DENND1A: variants seen among roughly 807,000 people sequenced by gnomAD.
The protein encoded by DENND1A is DENN domain-containing protein 1A.
In DENND1A, 51 loss-of-function variants were observed where a neutral mutation model predicts 113.7. That is an observed-to-expected ratio of 0.45 (90% CI 0.36 to 0.57). DENND1A has a LOEUF of 0.57. DENND1A is among the 20% of genes least tolerant of loss of function. The probability of loss-of-function intolerance (pLI) is 0.00; values close to 1 mark genes in which losing one functional copy is unlikely to be tolerated. For missense variants in DENND1A, 1,258 were observed against 1,395.9 expected (o/e 0.90, Z 1.57); for synonymous variants, 565 against 570.8 (o/e 0.99, Z 0.14).
At chr9:123,539,464 AT>A (rs57280463) in intron 13 of DENND1A, among the ~76,000 whole-genome samples, 25,602 of 150,920 alleles carry the variant, frequency 0.17, 2,269 homozygotes, top group Admixed American at 0.2. Context: ...TAATAAAACT[AT>A]TTTTTTTTAA....
intron 10 of DENND1A, among the ~76,000 whole-genome samples, chr9:123,627,644 G>A (rs1431789083): frequency 2.0e-5 from 3 of 151,688 alleles, no homozygotes; most frequent in Non-Finnish European, 4.4e-5. Context: ...GGAGGCTGAG[G>A]CAGGAGAATC....
chr9:123,788,861 C>G (rs2131986951), intron 3 of DENND1A, among the ~76,000 whole-genome samples: 1 of 152,014 alleles, frequency 6.6e-6, no homozygotes, highest in East Asian at 1.9e-4. Flanking sequence ...ACATTTTAGA[C>G]TACGTCATAT....
chr9:123,888,342 C>T (rs752437919), intron 1 of DENND1A, among the ~76,000 whole-genome samples: 1 of 152,130 alleles, frequency 6.6e-6, no homozygotes, highest in Non-Finnish European at 1.5e-5. Context: ...AAACAAGAAG[C>T]CATGAGTTCA....
chr9:123,391,274 G>T (rs1289704306), intron 21 of DENND1A, among the ~76,000 whole-genome samples: 1 of 152,256 alleles, frequency 6.6e-6, no homozygotes, highest in African/African-American at 2.4e-5. Context: ...TCTCTTGAAA[G>T]TGGCAGGGTA....
chr9:123,496,465 A>C (rs775504038), intron 13 of DENND1A, among the ~76,000 whole-genome samples: 5 of 152,208 alleles, frequency 3.3e-5, no homozygotes, highest in African/African-American at 1.2e-4. Context: ...ACAGGTCTTC[A>C]TTTCAAAGAT....
chr9:123,697,133 T>A lies in DENND1A; in HGVS notation c.303-20344A>T, dbSNP rs537807190. Among the ~76,000 whole-genome samples, 28 of 152,316 alleles carry A rather than the reference T, an allele frequency of 1.8e-4. No individual in the cohort carries two copies. The South Asian group carries it at 5.4e-3, about 29-fold the overall frequency. ...AGAATATATCTGTTCCCCAGATATT[T>A]TGCTTGCCATTTTAACAGGAGAAAA... On this transcript the variant is annotated intron_variant, in intron 5 of 23. Transcript: ENST00000394215.
chr9:123,910,864 A>T (rs1465441570), intron 1 of DENND1A, among the ~76,000 whole-genome samples: 1 of 152,172 alleles, frequency 6.6e-6, no homozygotes, highest in Non-Finnish European at 1.5e-5. Context: ...AATCACTTGA[A>T]CCTGGGAGGC....
chr9:123,642,725 T>C (rs1352075425), intron 9 of DENND1A, among the ~76,000 whole-genome samples: 1 of 152,202 alleles, frequency 6.6e-6, no homozygotes, highest in Non-Finnish European at 1.5e-5. Context: ...GAGTGGAGTG[T>C]GCAGGCAAAG....
At chr9:123,502,631 T>C (rs1564612291) in intron 13 of DENND1A, among the ~76,000 whole-genome samples, 1 of 152,238 alleles carries the variant, frequency 6.6e-6, no homozygotes, top group Non-Finnish European at 1.5e-5. Context: ...ATTCTGTGGG[T>C]TACCTTTTTA....
intron 8 of DENND1A, among the ~76,000 whole-genome samples, chr9:123,657,687 T>C (rs1462092374): frequency 6.6e-6 from 1 of 152,146 alleles, no homozygotes; most frequent in East Asian, 1.9e-4. Flanking sequence ...GTTTTGTCAG[T>C]GGGTCTTGTT....
intron 13 of DENND1A, among the ~76,000 whole-genome samples, chr9:123,536,636 C>T (rs551812397): frequency 2.0e-5 from 3 of 152,188 alleles, no homozygotes; most frequent in Admixed American, 6.5e-5. Context: ...GTCCAGCCTC[C>T]GCAAATGCTA....
intron 13 of DENND1A, among the ~76,000 whole-genome samples, chr9:123,507,263 T>A (rs1369390089): frequency 6.6e-6 from 1 of 152,214 alleles, no homozygotes; most frequent in Non-Finnish European, 1.5e-5. Context: ...AGGAACAAGG[T>A]TGTTGTAACC....
intron 19 of DENND1A, among the ~76,000 whole-genome samples, chr9:123,431,658 T>A (rs904097130): frequency 6.6e-6 from 1 of 152,204 alleles, no homozygotes; most frequent in African/African-American, 2.4e-5. Context: ...CCTGAGCCCC[T>A]TACAGGTTGG....
chr9:123,837,471 T>C (rs926935506), intron 2 of DENND1A, among the ~76,000 whole-genome samples: 5 of 152,208 alleles, frequency 3.3e-5, no homozygotes, highest in Non-Finnish European at 7.3e-5. Context: ...ATTATATATA[T>C]GTAGTTTTTC....
chr9:123,575,228 T>A (rs868118297), intron 12 of DENND1A, among the ~76,000 whole-genome samples: 1 of 152,166 alleles, frequency 6.6e-6, no homozygotes, highest in Admixed American at 6.5e-5. Context: ...TAGATTCTCA[T>A]AAGGAGCACA....
intron 2 of DENND1A, among the ~76,000 whole-genome samples, chr9:123,848,228 T>TA (rs375535777): frequency 0.075 from 4,556 of 60,434 alleles, 631 homozygotes; most frequent in African/African-American, 0.14. Flanking sequence ...GATACTGCTT[T>TA]AAAAAAAAAA....
chr9:123,435,718 C>T (rs935336021), intron 19 of DENND1A, among the ~76,000 whole-genome samples: 1 of 152,184 alleles, frequency 6.6e-6, no homozygotes, highest in African/African-American at 2.4e-5. Context: ...GACTAGGGTC[C>T]AGTGTCACTG....
chr9:123,560,367 G>A (rs1287094289), intron 12 of DENND1A, among the ~76,000 whole-genome samples: 1 of 152,140 alleles, frequency 6.6e-6, no homozygotes, highest in Non-Finnish European at 1.5e-5. Context: ...CCTCATGTTT[G>A]GACACTAAAC....
intron 2 of DENND1A, among the ~76,000 whole-genome samples, chr9:123,808,975 A>G (rs985055048): frequency 1.3e-5 from 2 of 152,052 alleles, no homozygotes; most frequent in African/African-American, 2.4e-5. Context: ...GCTACAAACT[A>G]TTTTCCAAAA....
Sources: gnomAD v4.1 joint callset for allele counts (sites outside exome capture counted in the v4.1 genomes callset) on GRCh38, gnomAD v4.1.1 for gene constraint, MANE v1.5 for transcripts, NCBI Gene and HGNC (gene_info 2026-07-23, HGNC 2026-07-21) for gene names.